The following SASH3 variants were observed in gnomAD, a reference collection of about 807,000 sequenced individuals.
SASH3 encodes SAM and SH3 domain containing 3.
SASH3 carries 7 observed loss-of-function variants against 26.1 expected under a neutral mutation model. That is an observed-to-expected ratio of 0.27 (90% CI 0.15 to 0.50). The LOEUF (loss-of-function observed/expected upper bound fraction) is 0.50, where lower values mean the gene tolerates loss of function less well. Among genes scored for constraint, SASH3 ranks in the 20% least tolerant of loss-of-function variants. The pLI, the probability that SASH3 is intolerant of heterozygous loss-of-function variation, is 0.98. For synonymous variants in SASH3, 138 were observed against 136.8 expected, an observed-to-expected ratio of 1.01 and a Z score of -0.06; for missense variants, 231 against 318.3, an observed-to-expected ratio of 0.73 and a Z score of 2.09.
intron 4 of SASH3, among the ~76,000 whole-genome samples, chrX:129,791,823 T>C (rs1927237149): frequency 8.9e-6 from 1 of 112,461 alleles, no homozygotes; most frequent in Non-Finnish European, 1.9e-5. Context: ...CTATGTGACA[T>C]TGTAACTACA....
intron 7 of SASH3, 61 bp from the exon 8 acceptor site, chrX:129,793,581 G>C (rs761070006): frequency 8.9e-7 from 1 of 1,127,431 alleles, no homozygotes; most frequent in African/African-American, 1.8e-5. Flanking sequence ...TGCCTATGGT[G>C]TATTTCCCAA....
chrX:129,794,306 A>G lies in SASH3; in HGVS notation c.*474A>G, dbSNP rs1927293570. 1 of 123,676 alleles carries G rather than the reference A, an allele frequency of 8.1e-6. No individual in the cohort carries two copies. The highest frequency in any genetic ancestry group is 1.7e-5 in the Non-Finnish European group (1 of 60,534). 10.2% of individuals were successfully genotyped at this position (123,676 alleles called of 1,213,427 possible). Reference sequence around the variant, plus strand: ...CCATTTAAAAGAACCCAAACTGACCATGGGTAAATCCAGTTCCCCTAAATA... The same window carrying G: ...CCATTTAAAAGAACCCAAACTGACCGTGGGTAAATCCAGTTCCCCTAAATA... On this transcript the variant is annotated 3_prime_UTR_variant, in exon 8 of 8. Transcript: ENST00000356892.
intron 4 of SASH3, among the ~76,000 whole-genome samples, 161 bp from the exon 5 acceptor site, chrX:129,792,167 T>C (rs968074178): frequency 8.0e-5 from 9 of 111,955 alleles, no homozygotes; most frequent in African/African-American, 2.9e-4. Context: ...AAGGGGGTGG[T>C]TCAGAATCCC....
intron 2 of SASH3, 158 bp from the exon 3 acceptor site, chrX:129,788,273 G>T: frequency 1.8e-6 from 1 of 568,037 alleles, no homozygotes. Flanking sequence ...TAAATTTATA[G>T]GGCTAAGGAC....
chrX:129,781,857 G>A (rs1927022691), intron 1 of SASH3, among the ~76,000 whole-genome samples: 2 of 112,024 alleles, frequency 1.8e-5, no homozygotes, highest in African/African-American at 6.5e-5. Context: ...GGATGAGCTT[G>A]CCTCCACACA....
chrX:129,789,109 AAAAGAAAGAAAGAAAG>A lies in SASH3; in HGVS notation c.300+574_300+589del, dbSNP rs770010971. On this transcript the variant is annotated intron_variant, in intron 3 of 7. Coordinates refer to ENST00000356892, the MANE Select transcript of SASH3 (RefSeq NM_018990.4). ...AGAGCAAGACTCTGTCTCAAAAAAA[AAAAGAAAGAAAGAAAG>A]AAAGAAAGAAAGAAAGAAAGAAAGA... 5.6e-4 allele frequency among the ~76,000 whole-genome samples: 22 copies of A among 39,468 alleles called. 1 individual carries two copies. Among genetic ancestry groups the A allele is most frequent in the Non-Finnish European group, 6.8e-4 (17 of 24,978 alleles). The allele number at this position is 39,468 out of a possible 115,157, so 34.3% of individuals were successfully genotyped here. A position where few individuals can be genotyped will look rare whatever the true frequency, so the allele number is the denominator to read the frequency against.
intron 1 of SASH3, among the ~76,000 whole-genome samples, chrX:129,783,562 G>A (rs1927054235): frequency 8.9e-6 from 1 of 112,283 alleles, no homozygotes; most frequent in African/African-American, 3.2e-5. Flanking sequence ...CCTGCCTAGG[G>A]CACTTCATTT....
In SASH3 at chrX:129,780,209, C is replaced by T. The variant is rs1237922360; in HGVS notation, c.57+55C>T. 3.7e-6 allele frequency: 4 copies of T among 1,082,108 alleles called. No homozygotes were observed. The East Asian group carries it at 1.2e-4, about 34-fold the overall frequency. 89.2% of individuals were successfully genotyped at this position (1,082,108 alleles called of 1,213,427 possible). ...CCTTTCCTCTGCTTGCTCGACCCAT[C>T]CCTTCCAAGACTCTTGGAAGTGGGA... On this transcript the variant is annotated intron_variant, in intron 1 of 7. Coordinates refer to ENST00000356892, the MANE Select transcript of SASH3 (RefSeq NM_018990.4).
At chrX:129,781,429 G>T (rs1167409288) in intron 1 of SASH3, among the ~76,000 whole-genome samples, 1 of 111,629 alleles carries the variant, frequency 9.0e-6, no homozygotes, top group Non-Finnish European at 1.9e-5. Flanking sequence ...TGTCATCCCC[G>T]TCCAAACCCT....
intron 1 of SASH3, among the ~76,000 whole-genome samples, chrX:129,785,439 C>G (rs1354133039): frequency 8.9e-6 from 1 of 111,916 alleles, no homozygotes; most frequent in Non-Finnish European, 1.9e-5. Context: ...TTCCATCTCC[C>G]TGGGCTGAGA....
chrX:129,792,190 A>G, intron 4 of SASH3, 138 bp from the exon 5 acceptor site: 4 of 681,180 alleles, frequency 5.9e-6, no homozygotes, highest in Non-Finnish European at 8.6e-6. Context: ...CTGCAGTGTA[A>G]AGCTTGCCAG....
chrX:129,792,722 G>T lies in SASH3; in HGVS notation c.687G>T (p.Val229=). The T allele has an allele frequency of 4.1e-6, 5 of 1,211,317 alleles. No homozygotes were observed. Among genetic ancestry groups the T allele is most frequent in the Non-Finnish European group, 5.6e-6 (5 of 895,535 alleles). The stretch of plus-strand genomic sequence containing the variant: ...TGGGCTCTTTCAAATTCATCTATGT[G>T]GATGTGCTGCCCGAGGAGGCCGTGG... ...GKVGSFKFIY[V]DVLPEEAVGH... is the part of the protein sequence containing the mutation. The change falls in exon 6 of 8, where the codon GTG becomes GTT. Residue 229 remains valine (V), a synonymous_variant. Coordinates refer to ENST00000356892, the MANE Select transcript of SASH3 (RefSeq NM_018990.4).
At chrX:129,788,401 G>A in intron 2 of SASH3, 30 bp from the exon 3 acceptor site, 2 of 1,208,473 alleles carry the variant, frequency 1.7e-6, no homozygotes, top group Non-Finnish European at 1.1e-6. Context: ...GACCACCAGG[G>A]TCCCTGGATC....
At chrX:129,785,669 A>G (rs989320459) in intron 1 of SASH3, among the ~76,000 whole-genome samples, 3 of 112,056 alleles carry the variant, frequency 2.7e-5, no homozygotes, top group East Asian at 2.8e-4. Context: ...CTCTTCCCCA[A>G]CAAAGCCGAC....
chrX:129,780,185 C>T, intron 1 of SASH3, 31 bp downstream of exon 1: 6 of 1,149,255 alleles, frequency 5.2e-6, no homozygotes, highest in Non-Finnish European at 7.1e-6. Context: ...TCACATCTTC[C>T]TTTCCTCTGC....
intron 3 of SASH3, among the ~76,000 whole-genome samples, chrX:129,790,380 A>G (rs1214328700): frequency 9.1e-6 from 1 of 109,404 alleles, no homozygotes; most frequent in Non-Finnish European, 1.9e-5. Flanking sequence ...AGGTAGGGGG[A>G]GCTCTGGAGT....
chrX:129,787,815 C>T (rs889449172), intron 1 of SASH3, among the ~76,000 whole-genome samples, 160 bp from the exon 2 acceptor site: 13 of 111,263 alleles, frequency 1.2e-4, no homozygotes, highest in African/African-American at 4.3e-4. Context: ...CCAGGTAGCC[C>T]CAAGAACATC....
intron 1 of SASH3, among the ~76,000 whole-genome samples, chrX:129,784,986 AATATACAATACAATACAT>A (rs1034345191): frequency 6.4e-5 from 7 of 110,133 alleles, no homozygotes; most frequent in South Asian, 3.9e-4. Context: ...TTTCAAATGT[AATATACAATACAATACAT>A]ATATACAATA....
chrX:129,793,928 A>T lies in SASH3; in HGVS notation c.*96A>T, dbSNP rs1927281834. ...GGTGGCCCAGGTCCTGAGGACTGGC[A>T]CTGAGCCTGGCCCTGCTTCCCCAGG... On this transcript the variant is annotated 3_prime_UTR_variant, in exon 8 of 8. Coordinates refer to ENST00000356892, the MANE Select transcript of SASH3 (RefSeq NM_018990.4). The T allele has an allele frequency of 1.2e-6, 1 of 847,230 alleles. No homozygotes were observed. Among genetic ancestry groups the T allele is most frequent in the African/African-American group, 2.0e-5 (1 of 50,248 alleles). 69.8% of individuals were successfully genotyped at this position (847,230 alleles called of 1,213,427 possible).
Sources: allele counts gnomAD v4.1 joint callset (sites outside exome capture counted in the v4.1 genomes callset), GRCh38; gene constraint gnomAD v4.1.1; transcripts MANE v1.5; gene names NCBI Gene and HGNC (gene_info 2026-07-23, HGNC 2026-07-21).